Variants in EPHA7 observed in about 807,000 individuals in gnomAD.
The protein encoded by EPHA7 is ephrin type-A receptor 7.
A neutral mutation model predicts 112.6 loss-of-function variants in EPHA7; 25 were observed. The ratio of observed to expected loss-of-function variants is 0.22; its 90% CI spans 0.16 to 0.31. The LOEUF is 0.31. EPHA7 is among the 10% of genes least tolerant of loss of function. The pLI, the probability that EPHA7 is intolerant of heterozygous loss-of-function variation, is 1.00. For synonymous variants in EPHA7, 437 were observed against 406.5 expected (o/e 1.07, Z -0.90); for missense variants, 962 against 1,212.6 (o/e 0.79, Z 3.07).
At chr6:93,404,676 T>C (rs1172764139) in intron 3 of EPHA7, among the ~76,000 whole-genome samples, 4 of 149,210 alleles carry the variant, frequency 2.7e-5, no homozygotes, top group Non-Finnish European at 6.0e-5. Flanking sequence ...GAGAGAGACA[T>C]ATACTTCTCA....
At chr6:93,304,244 C>T (rs1773140974) in intron 5 of EPHA7, among the ~76,000 whole-genome samples, 1 of 151,360 alleles carries the variant, frequency 6.6e-6, no homozygotes, top group Non-Finnish European at 1.5e-5. Flanking sequence ...CAAGTGTACA[C>T]TTGCTCAGAT....
intron 5 of EPHA7, among the ~76,000 whole-genome samples, chr6:93,280,543 T>C (rs980142831): frequency 7.9e-5 from 12 of 152,182 alleles, no homozygotes; most frequent in African/African-American, 2.9e-4. Context: ...TATACCTGTC[T>C]ATCTCCTCAG....
intron 5 of EPHA7, among the ~76,000 whole-genome samples, chr6:93,334,861 C>T (rs187915377): frequency 8.8e-4 from 134 of 152,114 alleles, no homozygotes; most frequent in Middle Eastern, 6.8e-3. Context: ...GTAAAGATTG[C>T]GATGTGTAGC....
intron 5 of EPHA7, among the ~76,000 whole-genome samples, chr6:93,278,164 C>T (rs1333611466): frequency 2.0e-5 from 3 of 151,950 alleles, no homozygotes; most frequent in African/African-American, 7.2e-5. Flanking sequence ...TAGCACTTCT[C>T]AGAAAAATCT....
chr6:93,269,358 T>G, intron 7 of EPHA7, 119 bp downstream of exon 7: 1 of 717,126 alleles, frequency 1.4e-6, no homozygotes, highest in Non-Finnish European at 2.1e-6. Context: ...TATGTACATA[T>G]ATATTTATTT....
chr6:93,268,361 A>G (rs1771048740), intron 7 of EPHA7, among the ~76,000 whole-genome samples: 1 of 151,820 alleles, frequency 6.6e-6, no homozygotes, highest in African/African-American at 2.4e-5. Flanking sequence ...TACAAACATT[A>G]GTTAATGCAA....
At chr6:93,299,425 CAAT>C (rs1159354665) in intron 5 of EPHA7, among the ~76,000 whole-genome samples, 89 of 151,232 alleles carry the variant, frequency 5.9e-4, no homozygotes, top group African/African-American at 1.8e-3. Context: ...ATGAAAACTA[CAAT>C]GAGATACCAT....
chr6:93,411,217 A>C (rs1194247446), intron 2 of EPHA7, 47 bp from the exon 3 acceptor site: 1 of 1,516,800 alleles, frequency 6.6e-7, no homozygotes, highest in Admixed American at 1.9e-5. Context: ...AAAAAATAAC[A>C]TTTTGCTTTT....
At chr6:93,325,660 T>C (rs1774283716) in intron 5 of EPHA7, among the ~76,000 whole-genome samples, 1 of 151,358 alleles carries the variant, frequency 6.6e-6, no homozygotes, top group African/African-American at 2.4e-5. Flanking sequence ...ACCACTTTTC[T>C]TGGTATTGAA....
Position 93,240,425 on chromosome 6 carries a change from T to C in EPHA7, c.*3001A>G, listed in dbSNP as rs1265028139. 5.0e-5 allele frequency: 11 copies of C among 219,518 alleles called. No individual in the cohort carries two copies. The East Asian group carries it at 6.7e-4, about 13-fold the overall frequency. 13.6% of individuals were successfully genotyped at this position (219,518 alleles called of 1,614,324 possible). A position where few individuals can be genotyped will look rare whatever the true frequency, so the allele number is the denominator to read the frequency against. ...ACGGATAAGAAGAGCAATTAAAATA[T>C]AGTCCTAAACAGTACTAGCTAATGT... On this transcript the variant is annotated 3_prime_UTR_variant, in exon 17 of 17. Transcript: ENST00000369303.
chr6:93,260,459 A>T, intron 9 of EPHA7: 3 of 835,794 alleles, frequency 3.6e-6, no homozygotes, highest in Non-Finnish European at 4.3e-6. Context: ...ATATTAATGC[A>T]ATAAAAATTA....
chr6:93,411,543 C>A (rs944584326), intron 2 of EPHA7, among the ~76,000 whole-genome samples: 3 of 152,028 alleles, frequency 2.0e-5, no homozygotes, highest in Non-Finnish European at 2.9e-5. Context: ...GGATGCCTGG[C>A]AGAATTTTTG....
At chr6:93,304,605 A>C (rs1322268020) in intron 5 of EPHA7, among the ~76,000 whole-genome samples, 6 of 152,108 alleles carry the variant, frequency 3.9e-5, no homozygotes, top group Non-Finnish European at 7.4e-5. Flanking sequence ...ATTAGATAAA[A>C]ATGATTGCCT....
chr6:93,243,363 A>T lies in EPHA7; in HGVS notation c.*63T>A. On this transcript the variant is annotated 3_prime_UTR_variant, in exon 17 of 17. Transcript: ENST00000369303. ...TGTCTTCTAGCAGCATTCTATGCAT[A>T]TACTGAAGGCCAGTACTGTTCTCTT... 3 of 1,237,394 alleles carry T rather than the reference A, an allele frequency of 2.4e-6. No homozygotes were observed. The highest frequency in any genetic ancestry group is 4.7e-5 in the East Asian group (2 of 42,830). 76.7% of individuals were successfully genotyped at this position (1,237,394 alleles called of 1,614,324 possible). A position where few individuals can be genotyped will look rare whatever the true frequency, so the allele number is the denominator to read the frequency against.
intron 2 of EPHA7, among the ~76,000 whole-genome samples, chr6:93,412,662 C>G (rs1047403776): frequency 2.0e-5 from 3 of 152,000 alleles, no homozygotes; most frequent in African/African-American, 7.2e-5. Flanking sequence ...CAAACATAAC[C>G]AAATTCATCC....
chr6:93,332,693 C>A (rs1774656389), intron 5 of EPHA7, among the ~76,000 whole-genome samples: 1 of 151,394 alleles, frequency 6.6e-6, no homozygotes, highest in Non-Finnish European at 1.5e-5. Flanking sequence ...AATTTCAATA[C>A]AATTAAGTAA....
In EPHA7 at chr6:93,257,531, T is replaced by TAA; in HGVS notation, c.2111-10_2111-9dup. 1.0e-5 allele frequency: 13 copies of TAA among 1,304,568 alleles called. No homozygotes were observed. The highest frequency in any genetic ancestry group is 2.8e-5 in the South Asian group (2 of 70,480). The allele number at this position is 1,304,568 out of a possible 1,614,324, so 80.8% of individuals were successfully genotyped here. On this transcript the variant is annotated splice_polypyrimidine_tract_variant and intron_variant, in intron 11 of 16. Coordinates refer to ENST00000369303, the MANE Select transcript of EPHA7 (RefSeq NM_004440.4). ...CTATCATGACTGGTTTCCCTAAAAT[T>TAA]AAAAAAAAAAAGTTTCAGGAGTCGT...
At chr6:93,387,912 TAGATAGATAGAC>T (rs1442686398) in intron 3 of EPHA7, among the ~76,000 whole-genome samples, 4 of 80,214 alleles carry the variant, frequency 5.0e-5, no homozygotes, top group African/African-American at 1.1e-4. Flanking sequence ...CAGACCATCT[TAGATAGATAGAC>T]AGATAGATAG....
chr6:93,304,798 T>G (rs962974936), intron 5 of EPHA7, among the ~76,000 whole-genome samples: 1 of 152,068 alleles, frequency 6.6e-6, no homozygotes, highest in Non-Finnish European at 1.5e-5. Context: ...ATTGGTTTCC[T>G]TACCATTACC....
Sources: allele counts gnomAD v4.1 joint callset (sites outside exome capture counted in the v4.1 genomes callset), GRCh38; gene constraint gnomAD v4.1.1; transcripts MANE v1.5; gene names NCBI Gene and HGNC (gene_info 2026-07-23, HGNC 2026-07-21).